The following SLIT2 variants were observed in gnomAD, a reference collection of about 807,000 sequenced individuals.
The protein encoded by SLIT2 is slit homolog 2 protein.
In SLIT2, 41 loss-of-function variants were observed where a neutral mutation model predicts 185.7. That is an observed-to-expected ratio of 0.22 (90% CI 0.17 to 0.29). The LOEUF (loss-of-function observed/expected upper bound fraction) is 0.29. SLIT2 is among the 10% of genes least tolerant of loss of function. The pLI is 1.00. For synonymous variants in SLIT2, 693 were observed against 680.2 expected (o/e 1.02, Z -0.29); for missense variants, 1,571 against 1,909.0 (o/e 0.82, Z 3.30).
At chr4:20,333,427 G>A (rs1440934828) in intron 4 of SLIT2, among the ~76,000 whole-genome samples, 2 of 151,898 alleles carry the variant, frequency 1.3e-5, no homozygotes, top group Admixed American at 1.3e-4. Flanking sequence ...TTAAATCATT[G>A]TATGATTATG....
chr4:20,268,757 C>T, intron 3 of SLIT2, 53 bp from the exon 4 acceptor site: 1 of 1,091,740 alleles, frequency 9.2e-7, no homozygotes, highest in Non-Finnish European at 1.4e-6. Context: ...ATCACAGTCT[C>T]ATTGTTGGGT....
At chr4:20,381,764 T>C (rs537028876) in intron 4 of SLIT2, among the ~76,000 whole-genome samples, 6 of 152,168 alleles carry the variant, frequency 3.9e-5, no homozygotes, top group African/African-American at 1.4e-4. Context: ...AAAGAAAGTA[T>C]AATGTCAAGT....
At chr4:20,400,056 C>A (rs1726221738) in intron 4 of SLIT2, among the ~76,000 whole-genome samples, 1 of 151,698 alleles carries the variant, frequency 6.6e-6, no homozygotes, top group Non-Finnish European at 1.5e-5. Flanking sequence ...AACTTATGTA[C>A]CCTAAATCAT....
In SLIT2 at chr4:20,252,618, G is replaced by A. The variant is rs1215466724; in HGVS notation, c.-1198G>A. ...CGTGGCTCTGCGCCCTCCGGAACCC[G>A]GCTCTTGTTTCTTCTACCTTTGCCA... is the stretch of plus-strand genomic sequence containing the variant. On this transcript the variant is annotated 5_prime_UTR_variant, in exon 1 of 37. Coordinates refer to ENST00000504154, the MANE Select transcript of SLIT2 (RefSeq NM_004787.4). Among the ~76,000 whole-genome samples, 4 of 152,224 alleles carry A rather than the reference G, an allele frequency of 2.6e-5. No homozygotes were observed. The highest frequency in any genetic ancestry group is 2.9e-5 in the Non-Finnish European group (2 of 68,038).
chr4:20,576,408 C>A (rs1205868561), intron 29 of SLIT2, among the ~76,000 whole-genome samples: 1 of 152,166 alleles, frequency 6.6e-6, no homozygotes, highest in Non-Finnish European at 1.5e-5. Flanking sequence ...TGCCCCCATA[C>A]ACTACTTTGA....
At chr4:20,448,641 A>G (rs1712100521) in intron 4 of SLIT2, among the ~76,000 whole-genome samples, 1 of 148,718 alleles carries the variant, frequency 6.7e-6, no homozygotes, top group Non-Finnish European at 1.5e-5. Flanking sequence ...ATTATTATTT[A>G]TTTATTTTAT....
At chr4:20,571,756 T>G (rs965272953) in intron 29 of SLIT2, among the ~76,000 whole-genome samples, 1 of 152,232 alleles carries the variant, frequency 6.6e-6, no homozygotes, top group Non-Finnish European at 1.5e-5. Context: ...AACAAGTTGA[T>G]TTTTCCTTTG....
intron 4 of SLIT2, among the ~76,000 whole-genome samples, chr4:20,417,234 G>C (rs1430902293): frequency 6.6e-6 from 1 of 151,510 alleles, no homozygotes; most frequent in Non-Finnish European, 1.5e-5. Context: ...TCCTTTCTTA[G>C]TGTTTCTTTG....
rs1718319363 is a variant in SLIT2, at chr4:20,497,360, A to G, written c.914+5461A>G. 2.0e-5 allele frequency among the ~76,000 whole-genome samples: 3 copies of G among 152,112 alleles called. No homozygotes were observed. The South Asian group carries it at 6.2e-4, about 32-fold the overall frequency. On this transcript the variant is annotated intron_variant, in intron 9 of 36. Coordinates refer to ENST00000504154, the MANE Select transcript of SLIT2 (RefSeq NM_004787.4). ...TCAATCATACATTTGCTTGACTCTC[A>G]AGCCCATGGTCCTAACTTGATCAAG...
At chr4:20,449,715 A>AT (rs950042801) in intron 4 of SLIT2, among the ~76,000 whole-genome samples, 50 of 152,096 alleles carry the variant, frequency 3.3e-4, no homozygotes, top group East Asian at 1.4e-3. Flanking sequence ...CCAAAAAAAC[A>AT]TTTTTTTTAT....
rs1363267306 is a variant in SLIT2 at position 20,528,750 on chromosome 4, A to G, written c.1463-199A>G. On this transcript the variant is annotated intron_variant, in intron 15 of 36. Transcript: ENST00000504154. The surrounding 1 kb of genome is among the most constrained non-coding windows in gnomAD (Gnocchi z 4.2). ...TCAACTTTATTAATGTTTTCCTGTC[A>G]TGTGAATCTGGTCACTCTTTTTTCC... Among the ~76,000 whole-genome samples, 1 of 152,204 alleles carries G rather than the reference A, an allele frequency of 6.6e-6. No homozygotes were observed. The highest frequency in any genetic ancestry group is 6.5e-5 in the Admixed American group (1 of 15,274).
intron 4 of SLIT2, among the ~76,000 whole-genome samples, chr4:20,307,423 C>T (rs908369466): frequency 2.0e-4 from 31 of 151,710 alleles, no homozygotes; most frequent in Non-Finnish European, 3.2e-4. Context: ...CCACCACACT[C>T]GGATAAATTC....
At chr4:20,280,323 ACT>A (rs1392906363) in intron 4 of SLIT2, among the ~76,000 whole-genome samples, 2 of 135,518 alleles carry the variant, frequency 1.5e-5, no homozygotes, top group African/African-American at 5.7e-5. Context: ...ACAGAGCGAG[ACT>A]CTGTCTCAAA....
In SLIT2 at chr4:20,335,769, A is replaced by G. The variant is rs576351818; in HGVS notation, c.395+66888A>G. Among the ~76,000 whole-genome samples the G allele has an allele frequency of 2.6e-5, 4 of 152,276 alleles. No homozygotes were observed. The East Asian group carries it at 7.7e-4, about 29-fold the overall frequency. On this transcript the variant is annotated intron_variant, in intron 4 of 36. Coordinates refer to ENST00000504154, the MANE Select transcript of SLIT2 (RefSeq NM_004787.4). Reference sequence around the variant, plus strand: ...ATTTAAATGGGGCTATAACCATCAGATGGAAAAATCAGAGAAATATTACTG... The same window carrying G: ...ATTTAAATGGGGCTATAACCATCAGGTGGAAAAATCAGAGAAATATTACTG...
At chr4:20,587,285 G>A (rs1347848996) in intron 29 of SLIT2, among the ~76,000 whole-genome samples, 2 of 151,984 alleles carry the variant, frequency 1.3e-5, no homozygotes, top group African/African-American at 4.8e-5. Context: ...TCCTAAGTTC[G>A]GGGATTACAG....
At chr4:20,291,034 G>T (rs1177956536) in intron 4 of SLIT2, among the ~76,000 whole-genome samples, 2 of 151,800 alleles carry the variant, frequency 1.3e-5, no homozygotes, top group Non-Finnish European at 2.9e-5. Context: ...TGTTAATGTG[G>T]TCAGCACCCA....
At chr4:20,590,396 A>G (rs1404177387) in intron 30 of SLIT2, among the ~76,000 whole-genome samples, 2 of 152,140 alleles carry the variant, frequency 1.3e-5, no homozygotes, top group Non-Finnish European at 2.9e-5. Context: ...GTCTGTGGTA[A>G]AATAGAGAAT....
Position 20,254,869 on chromosome 4 carries a change from G to C in SLIT2, c.179+875G>C. On this transcript the variant is annotated intron_variant, in intron 1 of 36. Coordinates refer to ENST00000504154, the MANE Select transcript of SLIT2 (RefSeq NM_004787.4). The surrounding 1 kb of genome is among the most constrained non-coding windows in gnomAD (Gnocchi z 5.1). ...CCCTTCACGTGGCAGCAGTTCCCCT[G>C]CCTTCCCCTCTTCGCGCTCCGTTGC... 2.2e-6 allele frequency: 1 copy of C among 454,690 alleles called. No individual in the cohort carries two copies. Among genetic ancestry groups the C allele is most frequent in the South Asian group, 1.6e-5 (1 of 64,322 alleles). The allele number at this position is 454,690 out of a possible 1,614,324, so 28.2% of individuals were successfully genotyped here. A position where few individuals can be genotyped will look rare whatever the true frequency, so the allele number is the denominator to read the frequency against.
chr4:20,393,887 T>C (rs976444356), intron 4 of SLIT2, among the ~76,000 whole-genome samples: 5 of 152,066 alleles, frequency 3.3e-5, no homozygotes, highest in Non-Finnish European at 7.4e-5. Flanking sequence ...CTGGCTGTAT[T>C]GGTGATCACA....
Sources: allele counts gnomAD v4.1 joint callset (sites outside exome capture counted in the v4.1 genomes callset), GRCh38; gene constraint gnomAD v4.1.1; non-coding constraint Gnocchi (gnomAD v3.1); transcripts MANE v1.5; gene names NCBI Gene and HGNC (gene_info 2026-07-23, HGNC 2026-07-21).